Variants in ASB14 observed in about 807,000 individuals in gnomAD.
ASB14 encodes the protein ankyrin repeat and SOCS box protein 14.
Under a neutral mutation model 55.6 loss-of-function variants are expected in ASB14, and 63 were observed. That is an observed-to-expected ratio of 1.13 (90% CI 0.92 to 1.40). The LOEUF (loss-of-function observed/expected upper bound fraction) is 1.40, where lower values mean the gene tolerates loss of function less well. ASB14 is among the 40% of genes most tolerant of loss of function. The probability of loss-of-function intolerance (pLI) is 0.00; values close to 1 mark genes in which losing one functional copy is unlikely to be tolerated. For missense variants in ASB14, 724 were observed against 710.4 expected (o/e 1.02, Z -0.22); for synonymous variants, 256 against 259.9 (o/e 0.98, Z 0.15).
chr3:57,273,122 A>G (rs991627702), intron 10 of ASB14: 1 of 152,670 alleles, frequency 6.6e-6, no homozygotes, highest in African/African-American at 2.4e-5. Flanking sequence ...GGCTTCACTC[A>G]TGAAATTTAC....
intron 6 of ASB14, among the ~76,000 whole-genome samples, chr3:57,282,911 A>G (rs1485643245): frequency 6.6e-6 from 1 of 152,166 alleles, no homozygotes; most frequent in Non-Finnish European, 1.5e-5. Flanking sequence ...AAAGGACAAC[A>G]CCACAAAAAG....
chr3:57,287,861 C>G, intron 5 of ASB14, 40 bp downstream of exon 5: 1 of 1,525,886 alleles, frequency 6.6e-7, no homozygotes, highest in Non-Finnish European at 8.8e-7. Context: ...GAAGGAGACT[C>G]AGTGCCACAG....
intron 9 of ASB14, 24 bp from the exon 10 acceptor site, chr3:57,276,752 C>T (rs1419559116): frequency 6.3e-7 from 1 of 1,579,052 alleles, no homozygotes; most frequent in East Asian, 2.3e-5. Context: ...GCACATTATC[C>T]AAAGAGAAAA....
intron 7 of ASB14, 62 bp downstream of exon 7, chr3:57,280,240 G>T: frequency 9.2e-7 from 1 of 1,087,232 alleles, no homozygotes; most frequent in Non-Finnish European, 1.3e-6. Flanking sequence ...CCTAGAAGCA[G>T]CACAAAATAA....
chr3:57,270,543 G>A (rs960604152), intron 10 of ASB14: 5 of 152,612 alleles, frequency 3.3e-5, no homozygotes, highest in African/African-American at 1.2e-4. Context: ...TGCATTGTGT[G>A]AAATAGTTTT....
chr3:57,277,991 TCA>T, intron 8 of ASB14, 71 bp from the exon 9 acceptor site: 1 of 1,371,654 alleles, frequency 7.3e-7, no homozygotes, highest in South Asian at 1.4e-5. Context: ...AGCATAGTAG[TCA>T]AAGGAGATGT....
intron 6 of ASB14, among the ~76,000 whole-genome samples, chr3:57,280,948 T>G (rs2061036324): frequency 6.6e-6 from 1 of 152,192 alleles, no homozygotes; most frequent in South Asian, 2.1e-4. Context: ...CTGTAACTGT[T>G]TTTAATTGAG....
intron 4 of ASB14, 39 bp downstream of exon 4, chr3:57,288,116 A>C (rs1179818212): frequency 5.9e-6 from 9 of 1,535,422 alleles, no homozygotes; most frequent in Non-Finnish European, 7.9e-6. Flanking sequence ...TGTTAAATTT[A>C]TCTCTCAGAA....
chr3:57,275,345 G>A (rs753777407), intron 10 of ASB14, among the ~76,000 whole-genome samples: 5 of 151,878 alleles, frequency 3.3e-5, no homozygotes, highest in South Asian at 4.2e-4. Context: ...CCAGCTACTC[G>A]GGAGGCTGAG....
chr3:57,272,976 A>G (rs1166491738), intron 10 of ASB14: 1 of 152,612 alleles, frequency 6.6e-6, no homozygotes, highest in Non-Finnish European at 1.5e-5. Context: ...TAAACACACC[A>G]ATTGTAGAAA....
At position 57,269,045 on chromosome 3, in the gene ASB14, A is replaced by G. The variant is rs757789577; in HGVS notation, c.*596T>C. ...GAGACAGCTGGGATGCTTAGAACAG[A>G]TCAATAAGCATTGGCTGTGGGCTGG... On this transcript the variant is annotated 3_prime_UTR_variant, in exon 11 of 11. Transcript: ENST00000487349. The G allele has an allele frequency of 1.3e-4, 21 of 155,608 alleles. No individual in the cohort carries two copies. The highest frequency in any genetic ancestry group is 5.1e-4 in the Admixed American group (8 of 15,734). 9.6% of individuals were successfully genotyped at this position (155,608 alleles called of 1,614,324 possible). A position where few individuals can be genotyped will look rare whatever the true frequency, so the allele number is the denominator to read the frequency against.
intron 5 of ASB14, among the ~76,000 whole-genome samples, chr3:57,284,646 C>T (rs1014718512): frequency 6.6e-6 from 1 of 152,178 alleles, no homozygotes; most frequent in African/African-American, 2.4e-5. Context: ...ACCGTTGTTA[C>T]AACAGGCTTC....
intron 10 of ASB14, 180 bp from the exon 11 acceptor site, chr3:57,269,798 T>G: frequency 8.0e-7 from 1 of 1,248,132 alleles, no homozygotes; most frequent in Non-Finnish European, 1.1e-6. Context: ...GCTTTATATT[T>G]GCTTATTTGT....
intron 6 of ASB14, among the ~76,000 whole-genome samples, chr3:57,282,176 T>C (rs989990049): frequency 1.3e-5 from 2 of 152,198 alleles, no homozygotes; most frequent in East Asian, 1.9e-4. Context: ...GGCCATTGAT[T>C]AGCAACTAGC....
At chr3:57,276,938 A>G (rs558849889) in intron 9 of ASB14, among the ~76,000 whole-genome samples, 2 of 152,292 alleles carry the variant, frequency 1.3e-5, no homozygotes, top group African/African-American at 4.8e-5. Context: ...ACTGGCATCA[A>G]TCATGGATCT....
chr3:57,283,052 T>G, intron 6 of ASB14, 142 bp downstream of exon 6: 7 of 1,199,212 alleles, frequency 5.8e-6, no homozygotes, highest in Non-Finnish European at 8.0e-6. Flanking sequence ...TTCTCAGTAA[T>G]CACTATTAAC....
Position 57,278,768 on chromosome 3 carries a change from C to A in ASB14, c.1040G>T (p.Arg347Ile). Reference protein sequence around the residue: ...GFDVNFMLDQRINKHYDDHRK... With the variant: ...GFDVNFMLDQIINKHYDDHRK... The stretch of plus-strand genomic sequence containing the variant: ...GTGGTCATCGTAGTGTTTGTTAATT[C>A]TCTGATCCAGCATGAAGTTCACATC... Residue 347 changes from arginine to isoleucine, a missense_variant, in exon 8 of 11, where the codon AGA becomes ATA. Physicochemically the swap from Arg to Ile is moderately conservative, Grantham distance 97. Transcript: ENST00000487349. The A allele has an allele frequency of 6.2e-7, 1 of 1,613,378 alleles. No homozygotes were observed. The highest frequency in any genetic ancestry group is 1.3e-5 in the African/African-American group (1 of 74,972).
At position 57,276,580 on chromosome 3, in the gene ASB14, A is replaced by G. The variant is rs543255867; in HGVS notation, c.1734T>C (p.Tyr578=). The G allele has an allele frequency of 3.7e-5, 59 of 1,612,196 alleles. No individual in the cohort carries two copies. The South Asian group carries it at 6.3e-4, about 17-fold the overall frequency. ...AGGTTCCTGTAAAAATTCCTTGTCC[A>G]TAAAGGTCGTATTCTTTGTAAAGGA... The part of the protein sequence containing the change: ...AYVLYKEYDL[Y]GQGIFTGTW The change falls in exon 10 of 11, where the codon TAT becomes TAC. Residue 578 remains tyrosine, a synonymous_variant. Coordinates refer to ENST00000487349, the MANE Select transcript of ASB14 (RefSeq NM_001142733.3).
At chr3:57,278,277 A>G in intron 8 of ASB14, 100 bp downstream of exon 8, 2 of 887,246 alleles carry the variant, frequency 2.3e-6, no homozygotes, top group Non-Finnish European at 3.4e-6. Flanking sequence ...GATCTCTTCA[A>G]CCAAGCCTCT....
Sources: gnomAD v4.1 joint callset for allele counts (sites outside exome capture counted in the v4.1 genomes callset) on GRCh38, gnomAD v4.1.1 for gene constraint, MANE v1.5 for transcripts, NCBI Gene and HGNC (gene_info 2026-07-23, HGNC 2026-07-21) for gene names.